The following UPF2 variants were observed in gnomAD, a reference collection of about 807,000 sequenced individuals.
UPF2 encodes the protein UPF2 regulator of nonsense mediated mRNA decay.
A neutral mutation model predicts 141.4 loss-of-function variants in UPF2; 17 were observed. The observed-to-expected ratio is 0.12, with a 90% confidence interval of 0.08 to 0.18. The LOEUF is 0.18. Ranked by LOEUF, UPF2 falls within the 10% of genes least tolerant of loss-of-function variation. UPF2 has a pLI of 1.00. For missense variants in UPF2, 1,152 were observed against 1,515.9 expected (o/e 0.76, Z 3.99); for synonymous variants, 540 against 498.0 (o/e 1.08, Z -1.12).
At chr10:12,008,307 G>C (rs1426950001) in intron 4 of UPF2, among the ~76,000 whole-genome samples, 1 of 151,938 alleles carries the variant, frequency 6.6e-6, no homozygotes, top group Non-Finnish European at 1.5e-5. Flanking sequence ...TAAAAATTAA[G>C]AACTGCAATG....
At chr10:12,018,181 C>T (rs1234905089) in intron 3 of UPF2, among the ~76,000 whole-genome samples, 1 of 152,180 alleles carries the variant, frequency 6.6e-6, no homozygotes, top group Non-Finnish European at 1.5e-5. Flanking sequence ...GGCACAGCGG[C>T]TAACGCCTGT....
chr10:12,039,997 C>A (rs1035941515), intron 1 of UPF2, among the ~76,000 whole-genome samples: 1 of 152,186 alleles, frequency 6.6e-6, no homozygotes, highest in African/African-American at 2.4e-5. Flanking sequence ...TAGTATCTGA[C>A]AAATTCACAA....
chr10:12,029,957 CAA>C (rs113204207), intron 2 of UPF2, among the ~76,000 whole-genome samples: 2 of 71,194 alleles, frequency 2.8e-5, no homozygotes, highest in Non-Finnish European at 5.8e-5. Context: ...GACTCCGTCT[CAA>C]AAAAAAAAAA....
At position 12,019,504 on chromosome 10, in the gene UPF2, T is replaced by C. The variant is rs556028342; in HGVS notation, c.1146-5320A>G. On this transcript the variant is annotated intron_variant, in intron 3 of 21. Transcript: ENST00000357604. This position sits in a 1 kb window ranked among gnomAD's most constrained non-coding sequence, Gnocchi z 4.5. ...GCCTGTCACACTACTACATGTCTTA[T>C]AAATTAGTACATTCTCTCCTGCAAT... Among the ~76,000 whole-genome samples the C allele has an allele frequency of 2.6e-5, 4 of 152,366 alleles. No homozygotes were observed. The highest frequency in any genetic ancestry group is 1.3e-4 in the Admixed American group (2 of 15,306).
In UPF2 at chr10:11,971,192, G is replaced by A. The variant is rs1424145645; in HGVS notation, c.1954-3738C>T. On this transcript the variant is annotated intron_variant, in intron 9 of 21. Transcript: ENST00000357604. ...GAGAAAACTGAAGGCGTTTTAAAAGGTTGTAACTTATAAAAATGGCTAACA... is the reference window on the plus strand; with the variant it reads ...GAGAAAACTGAAGGCGTTTTAAAAGATTGTAACTTATAAAAATGGCTAACA... Among the ~76,000 whole-genome samples, 4 of 151,746 alleles carry A rather than the reference G, an allele frequency of 2.6e-5. No homozygotes were observed. The East Asian group carries it at 7.7e-4, about 29-fold the overall frequency.
At chr10:11,989,634 A>G (rs1255703695) in intron 8 of UPF2, among the ~76,000 whole-genome samples, 1 of 152,246 alleles carries the variant, frequency 6.6e-6, no homozygotes, top group Non-Finnish European at 1.5e-5. Context: ...CCCTGTGAGT[A>G]TTTCCGTAGC....
chr10:11,985,915 C>T (rs1161075924), intron 8 of UPF2, among the ~76,000 whole-genome samples: 1 of 69,126 alleles, frequency 1.4e-5, no homozygotes, highest in African/African-American at 8.9e-5. Flanking sequence ...GACGGAATCT[C>T]GCTGTGTCGC....
chr10:11,947,990 G>A (rs1833024677), intron 16 of UPF2, among the ~76,000 whole-genome samples: 1 of 151,910 alleles, frequency 6.6e-6, no homozygotes, highest in South Asian at 2.1e-4. Flanking sequence ...GCTCATGCCT[G>A]CAATTCCAGC....
chr10:11,974,389 C>T (rs1161663570), intron 9 of UPF2, among the ~76,000 whole-genome samples: 1 of 152,120 alleles, frequency 6.6e-6, no homozygotes, highest in Non-Finnish European at 1.5e-5. Context: ...TGCCTGATTG[C>T]CGTGGCCAGA....
intron 8 of UPF2, among the ~76,000 whole-genome samples, chr10:11,986,727 T>C (rs549698453): frequency 6.6e-5 from 10 of 152,274 alleles, no homozygotes; most frequent in South Asian, 2.1e-4. Context: ...TACTCTGAAA[T>C]CGACAACCAA....
intron 10 of UPF2, among the ~76,000 whole-genome samples, chr10:11,966,461 G>C (rs1167580088): frequency 6.6e-6 from 1 of 151,836 alleles, no homozygotes; most frequent in East Asian, 1.9e-4. Context: ...TTTCACTCTT[G>C]TTACCCAGAC....
intron 3 of UPF2, among the ~76,000 whole-genome samples, chr10:12,020,329 G>A (rs895661954): frequency 4.0e-5 from 6 of 151,278 alleles, no homozygotes; most frequent in African/African-American, 7.3e-5. Flanking sequence ...TCGGCTCACC[G>A]CAACCTCTGC....
At chr10:11,937,802 GT>G (rs780704610) in intron 18 of UPF2, among the ~76,000 whole-genome samples, 8 of 152,194 alleles carry the variant, frequency 5.3e-5, no homozygotes, top group Non-Finnish European at 1.0e-4. Flanking sequence ...GCAAAATCCT[GT>G]TTTATTGTTT....
At chr10:11,945,552 C>T (rs1832990142) in intron 16 of UPF2, among the ~76,000 whole-genome samples, 1 of 152,214 alleles carries the variant, frequency 6.6e-6, no homozygotes, top group South Asian at 2.1e-4. Context: ...CTTGGAACCT[C>T]CCTCTGCACA....
intron 9 of UPF2, among the ~76,000 whole-genome samples, chr10:11,978,104 T>G (rs1418261340): frequency 2.0e-5 from 3 of 152,218 alleles, no homozygotes; most frequent in African/African-American, 7.2e-5. Context: ...GCTATTATAT[T>G]TAAGGATTAA....
chr10:12,026,217 TG>T (rs1397573519), intron 3 of UPF2, among the ~76,000 whole-genome samples: 1 of 152,202 alleles, frequency 6.6e-6, no homozygotes, highest in Admixed American at 6.5e-5. Context: ...CTTTAAAAAT[TG>T]TATTTCACTA....
chr10:11,934,027 C>A (rs1047553382), intron 19 of UPF2, among the ~76,000 whole-genome samples: 11 of 152,148 alleles, frequency 7.2e-5, no homozygotes, highest in African/African-American at 2.7e-4. Flanking sequence ...TGTGTGCATG[C>A]CTTCCAACTT....
intron 12 of UPF2, among the ~76,000 whole-genome samples, chr10:11,958,194 T>C (rs1364805382): frequency 6.6e-6 from 1 of 152,176 alleles, no homozygotes; most frequent in East Asian, 1.9e-4. Context: ...CTCTATTACA[T>C]TAAATTTTTT....
At chr10:11,970,002 T>A in intron 9 of UPF2, among the ~76,000 whole-genome samples, 1 of 152,238 alleles carries the variant, frequency 6.6e-6, no homozygotes. Flanking sequence ...GAAAAATAAC[T>A]GAAAAGCTAA....
Sources: gnomAD v4.1 joint callset for allele counts (sites outside exome capture counted in the v4.1 genomes callset) on GRCh38, gnomAD v4.1.1 for gene constraint, Gnocchi (gnomAD v3.1) non-coding constraint, MANE v1.5 for transcripts, NCBI Gene and HGNC (gene_info 2026-07-23, HGNC 2026-07-21) for gene names.